Variants in RALYL observed in about 807,000 individuals in gnomAD.
The protein encoded by RALYL is RALY RNA binding protein like.
Under a neutral mutation model 35.1 loss-of-function variants are expected in RALYL, and 29 were observed. The observed-to-expected ratio is 0.83, with a 90% CI of 0.61 to 1.13. RALYL has a LOEUF of 1.13. RALYL is among the 50% of genes most tolerant of loss of function. The pLI is 0.00. For synonymous variants in RALYL, 120 were observed against 127.6 expected, an observed-to-expected ratio of 0.94 and a Z score of 0.40; for missense variants, 359 against 360.4, an observed-to-expected ratio of 1.00 and a Z score of 0.03.
At chr8:84,327,980 A>T (rs771897219) in intron 1 of RALYL, among the ~76,000 whole-genome samples, 1 of 152,214 alleles carries the variant, frequency 6.6e-6, no homozygotes, top group Non-Finnish European at 1.5e-5. Flanking sequence ...GGTATTAAAG[A>T]ATTTGCTTAA....
intron 1 of RALYL, among the ~76,000 whole-genome samples, chr8:84,223,123 CTT>C (rs1188498389): frequency 7.0e-6 from 1 of 142,970 alleles, no homozygotes; most frequent in South Asian, 2.4e-4. Flanking sequence ...CTTTCCTTTC[CTT>C]TCCTTTCCTT....
chr8:84,695,003 A>G (rs774296502), intron 2 of RALYL, among the ~76,000 whole-genome samples: 1 of 151,810 alleles, frequency 6.6e-6, no homozygotes, highest in Non-Finnish European at 1.5e-5. Context: ...TAGATGAGGG[A>G]ACTCTGGTAT....
At chr8:84,828,033 G>A (rs1002914187) in intron 4 of RALYL, among the ~76,000 whole-genome samples, 11 of 151,652 alleles carry the variant, frequency 7.3e-5, no homozygotes, top group Admixed American at 1.3e-4. Flanking sequence ...TTTAAAAGGC[G>A]TGGCCAGGTT....
chr8:84,557,936 G>T (rs1033285759), intron 2 of RALYL, among the ~76,000 whole-genome samples: 5 of 152,174 alleles, frequency 3.3e-5, no homozygotes, highest in Admixed American at 6.6e-5. Flanking sequence ...GAAGTCTACA[G>T]AACCTGAAGC....
At chr8:84,292,888 C>T (rs1839026168) in intron 1 of RALYL, among the ~76,000 whole-genome samples, 1 of 152,126 alleles carries the variant, frequency 6.6e-6, no homozygotes. Context: ...CTTGCTTTCA[C>T]TTTGCACTGC....
intron 2 of RALYL, among the ~76,000 whole-genome samples, chr8:84,591,817 C>T (rs1813361644): frequency 6.6e-6 from 1 of 152,094 alleles, no homozygotes; most frequent in African/African-American, 2.4e-5. Flanking sequence ...ATTCACAGAT[C>T]CAGTGTGTCG....
At chr8:84,232,850 C>T (rs1294823160) in intron 1 of RALYL, among the ~76,000 whole-genome samples, 3 of 151,880 alleles carry the variant, frequency 2.0e-5, no homozygotes, top group Non-Finnish European at 2.9e-5. Flanking sequence ...ATAATGATGT[C>T]ATATTTTAAT....
At chr8:84,627,679 A>G (rs2131190568) in intron 2 of RALYL, among the ~76,000 whole-genome samples, 1 of 151,520 alleles carries the variant, frequency 6.6e-6, no homozygotes, top group East Asian at 2.0e-4. Context: ...TTATTTCTCT[A>G]GCTCAGACCT....
At chr8:84,243,501 CTT>C (rs34469585) in intron 1 of RALYL, among the ~76,000 whole-genome samples, 38 of 97,506 alleles carry the variant, frequency 3.9e-4, no homozygotes, top group African/African-American at 1.1e-3. Flanking sequence ...CTCTCTCACA[CTT>C]TTTTTTTTTT....
intron 2 of RALYL, among the ~76,000 whole-genome samples, chr8:84,722,552 G>T (rs1315336713): frequency 6.9e-6 from 1 of 145,550 alleles, no homozygotes; most frequent in Non-Finnish European, 1.5e-5. Flanking sequence ...AGGGAAACAG[G>T]TCAGGGCCAA....
At chr8:84,672,846 G>C (rs1833526596) in intron 2 of RALYL, among the ~76,000 whole-genome samples, 1 of 152,182 alleles carries the variant, frequency 6.6e-6, no homozygotes, top group Admixed American at 6.5e-5. Context: ...TACAGTTCAA[G>C]AGGAGATTTG....
intron 1 of RALYL, among the ~76,000 whole-genome samples, chr8:84,269,053 C>G (rs1833830717): frequency 6.6e-6 from 1 of 152,114 alleles, no homozygotes; most frequent in African/African-American, 2.4e-5. Flanking sequence ...AATCACATTG[C>G]ATTTACAGAT....
chr8:84,522,926 G>A (rs1409628044), intron 1 of RALYL, among the ~76,000 whole-genome samples: 1 of 152,066 alleles, frequency 6.6e-6, no homozygotes, highest in East Asian at 1.9e-4. Flanking sequence ...ATAAAAGAAA[G>A]AAGTTCCATG....
At chr8:84,380,910 TC>T (rs147754158) in intron 1 of RALYL, among the ~76,000 whole-genome samples, 4,270 of 151,804 alleles carry the variant, frequency 0.028, 196 homozygotes, top group African/African-American at 0.097. Context: ...ATGAGTGTCT[TC>T]CCCCACAGAA....
intron 1 of RALYL, among the ~76,000 whole-genome samples, chr8:84,402,320 T>G (rs1236500207): frequency 6.6e-6 from 1 of 152,220 alleles, no homozygotes. Flanking sequence ...TAATTCACTA[T>G]AAGAACTCAT....
chr8:84,477,527 CAAAT>C (rs1188704052), intron 1 of RALYL, among the ~76,000 whole-genome samples: 7 of 148,060 alleles, frequency 4.7e-5, no homozygotes, highest in Admixed American at 4.1e-4. Context: ...GTATATATAT[CAAAT>C]AAAAATGATA....
intron 7 of RALYL, among the ~76,000 whole-genome samples, chr8:84,881,279 T>C (rs920653418): frequency 6.6e-6 from 1 of 152,044 alleles, no homozygotes; most frequent in African/African-American, 2.4e-5. Flanking sequence ...ATTAATACTA[T>C]ATACAGGTGT....
chr8:84,318,748 G>A (rs1369650131), intron 1 of RALYL, among the ~76,000 whole-genome samples: 1 of 152,162 alleles, frequency 6.6e-6, no homozygotes, highest in Admixed American at 6.6e-5. Flanking sequence ...TAAAAGAGTT[G>A]AGAGTAGGAC....
chr8:84,458,299 G>C (rs2050366933), intron 1 of RALYL, among the ~76,000 whole-genome samples: 1 of 151,784 alleles, frequency 6.6e-6, no homozygotes, highest in African/African-American at 2.4e-5. Flanking sequence ...GCTGAGTGTA[G>C]ATATTGTAAA....
Sources: gnomAD v4.1 joint callset for allele counts (sites outside exome capture counted in the v4.1 genomes callset) on GRCh38, gnomAD v4.1.1 for gene constraint, MANE v1.5 for transcripts, NCBI Gene and HGNC (gene_info 2026-07-23, HGNC 2026-07-21) for gene names.